The following GPRIN1 variants were observed in gnomAD, a reference collection of about 807,000 sequenced individuals.
The protein encoded by GPRIN1 is G protein-regulated inducer of neurite outgrowth 1.
A neutral mutation model predicts 2.8 loss-of-function variants in GPRIN1; 4 were observed. That is an observed-to-expected ratio of 1.45 (90% CI 0.71 to 3.32). The LOEUF is 3.32. Among genes scored for constraint, GPRIN1 ranks in the 30% most tolerant of loss-of-function variants. GPRIN1 has a pLI of 0.01. For missense variants in GPRIN1, 1,322 were observed against 1,343.4 expected (o/e 0.98, Z 0.25); for synonymous variants, 589 against 589.9 (o/e 1.00, Z 0.02).
At position 176,602,652 on chromosome 5, in the gene GPRIN1, G is replaced by C. The variant is rs1759162961; in HGVS notation, c.-43-2775C>G. 6.6e-6 allele frequency among the ~76,000 whole-genome samples: 1 copy of C among 152,310 alleles called. No individual in the cohort carries two copies. On this transcript the variant is annotated intron_variant, in intron 1 of 1. Transcript: ENST00000303991. The surrounding 1 kb of genome is among the most constrained non-coding windows in gnomAD (Gnocchi z 4.4). ...AGTTTACAACGCGCATAGCATTTGA[G>C]CCACCAAGCCCACCTCTAAGCATGG...
chr5:176,599,508 T>C lies in GPRIN1; in HGVS notation c.327A>G (p.Thr109=). 1 of 1,610,148 alleles carries C rather than the reference T, an allele frequency of 6.2e-7. No homozygotes were observed. Among genetic ancestry groups the C allele is most frequent in the African/African-American group, 1.3e-5 (1 of 74,834 alleles). ...AGATGGAGGCTCCATGTGCCTCCAA[T>C]GTCTCCTTGGAGGGTGACTCCTGGG... ...FSPQESPSKE[T]LEAHGASISG... Residue 109 remains threonine, a synonymous_variant, in exon 2 of 2, where the codon ACA becomes ACG. Coordinates refer to ENST00000303991, the MANE Select transcript of GPRIN1 (RefSeq NM_052899.3).
chr5:176,597,220 G>A lies in GPRIN1; in HGVS notation c.2615C>T (p.Ala872Val). ...SLGAAETRSV[A>V]TGPMTPQAAA... The stretch of plus-strand genomic sequence containing the variant: ...GGCTTGAGGTGTCATGGGCCCAGTG[G>A]CCACGGAGCGCGTCTCGGCGGCGCC... The change falls in exon 2 of 2, where the codon GCC becomes GTC. Residue 872 changes from alanine (A) to valine (V), a missense_variant. By Grantham distance (64) the Ala-to-Val change is moderately conservative (BLOSUM62 0). Transcript: ENST00000303991. This position sits in a 1 kb window ranked among gnomAD's most constrained non-coding sequence, Gnocchi z 6.1. The A allele has an allele frequency of 2.4e-6, 3 of 1,267,856 alleles. No homozygotes were observed. The highest frequency in any genetic ancestry group is 3.0e-6 in the Non-Finnish European group (3 of 1,007,638). 78.5% of individuals were successfully genotyped at this position (1,267,856 alleles called of 1,614,324 possible).
chr5:176,607,901 C>CTTTTTTTTTTTTTTTT (rs1304388285), intron 1 of GPRIN1, among the ~76,000 whole-genome samples: 1 of 95,906 alleles, frequency 1.0e-5, no homozygotes, highest in African/African-American at 3.8e-5. Context: ...TGACACTTGG[C>CTTTTTTTTTTTTTTTT]TCTTTTTTTT....
chr5:176,598,179 G>C lies in GPRIN1; in HGVS notation c.1656C>G (p.Asp552Glu). ...KAEPLAVGKE[D>E]PVSKGKADAG... ...CGTCTGCCTTTCCCTTGCTCACAGG[G>C]TCCTCCTTGCCCACCGCGAGGGGCT... The change falls in exon 2 of 2, where the codon GAC becomes GAG. Residue 552 changes from aspartate (D) to glutamate (E), a missense_variant. Physicochemically the swap from Asp to Glu is conservative, Grantham distance 45. Transcript: ENST00000303991. The C allele has an allele frequency of 6.2e-7, 1 of 1,612,556 alleles. No individual in the cohort carries two copies. Among genetic ancestry groups the C allele is most frequent in the Non-Finnish European group, 8.5e-7 (1 of 1,179,954 alleles).
chr5:176,605,404 C>G (rs1160913301), intron 1 of GPRIN1, among the ~76,000 whole-genome samples: 1 of 152,188 alleles, frequency 6.6e-6, no homozygotes, highest in Non-Finnish European at 1.5e-5. Context: ...AAAACACTTT[C>G]ATGAGCCAAC....
chr5:176,596,779 G>A lies in GPRIN1; in HGVS notation c.*29C>T. On this transcript the variant is annotated 3_prime_UTR_variant, in exon 2 of 2. Coordinates refer to ENST00000303991, the MANE Select transcript of GPRIN1 (RefSeq NM_052899.3). This position sits in a 1 kb window ranked among gnomAD's most constrained non-coding sequence, Gnocchi z 5.2. ...TCAAGAAGGGAGCCTGAGAAGGTCG[G>A]AAACTCGGGCGTACAAAATGGGGGC... The A allele has an allele frequency of 7.1e-7, 1 of 1,405,982 alleles. No individual in the cohort carries two copies. The highest frequency in any genetic ancestry group is 9.3e-7 in the Non-Finnish European group (1 of 1,080,202). 87.1% of individuals were successfully genotyped at this position (1,405,982 alleles called of 1,614,324 possible). A position where few individuals can be genotyped will look rare whatever the true frequency, so the allele number is the denominator to read the frequency against.
Position 176,597,901 on chromosome 5 carries a change from T to C in GPRIN1, c.1934A>G (p.Gln645Arg). The C allele has an allele frequency of 1.9e-6, 3 of 1,613,834 alleles. No individual in the cohort carries two copies. Among genetic ancestry groups the C allele is most frequent in the Non-Finnish European group, 2.5e-6 (3 of 1,179,980 alleles). The change falls in exon 2 of 2, where the codon CAA becomes CGA. Residue 645 changes from glutamine to arginine, a missense_variant. By Grantham distance (43) the Gln-to-Arg change is conservative. Transcript: ENST00000303991. This position sits in a 1 kb window ranked among gnomAD's most constrained non-coding sequence, Gnocchi z 6.1. ...GGKAETKLPG[Q>R]EGAAAPGEAG... ...TTCCCCTGGTGCTGCAGCGCCCTCT[T>C]GCCCAGGGAGCTTTGTTTCTGCTTT...
chr5:176,597,749 A>C lies in GPRIN1; in HGVS notation c.2086T>G (p.Ser696Ala). 1 of 1,604,622 alleles carries C rather than the reference A, an allele frequency of 6.2e-7. No individual in the cohort carries two copies. Among genetic ancestry groups the C allele is most frequent in the Non-Finnish European group, 8.5e-7 (1 of 1,175,434 alleles). ...GACTCCGTTTTTCTGGAAGGTGCAGAGTCGGCTTTCCCCAGGGACACAGGC... is the reference window on the plus strand; with the variant it reads ...GACTCCGTTTTTCTGGAAGGTGCAGCGTCGGCTTTCCCCAGGGACACAGGC... ...GEPVSLGKAD[S>A]APSRKTESPS... is the part of the protein sequence containing the mutation. The change falls in exon 2 of 2, where the codon TCT becomes GCT. Residue 696 changes from serine (S) to alanine (A), a missense_variant. Transcript: ENST00000303991. The surrounding 1 kb of genome is among the most constrained non-coding windows in gnomAD (Gnocchi z 6.1).
rs1017617605 is a variant in GPRIN1 at position 176,597,948 on chromosome 5, T to C, written c.1887A>G (p.Lys629=). 1.2e-6 allele frequency: 2 copies of C among 1,614,028 alleles called. No homozygotes were observed. The highest frequency in any genetic ancestry group is 1.3e-5 in the African/African-American group (1 of 75,042). ...TTKADPRASG[K]AQPQSGGKAE... ...CTTTGCCACCAGACTGCGGCTGTGC[T>C]TTCCCCGAGGCCCTGGGATCCGCCT... Residue 629 remains lysine (K), a synonymous_variant, in exon 2 of 2, where the codon AAA becomes AAG. Transcript: ENST00000303991. The surrounding 1 kb of genome is among the most constrained non-coding windows in gnomAD (Gnocchi z 6.1).
chr5:176,600,338 G>A (rs145122569), intron 1 of GPRIN1, among the ~76,000 whole-genome samples: 2 of 151,974 alleles, frequency 1.3e-5, no homozygotes, highest in African/African-American at 4.8e-5. Context: ...CCCGACCTCA[G>A]GTGATCCGCC....
rs1222980713 is a variant in GPRIN1, at chr5:176,596,988, G to A, written c.2847C>T (p.His949=). ...GCGGCGCGGGCGCCCCTTGGCGGCC[G>A]TGCTCCTCGATCTGTCGCTCCAGAT... is the stretch of plus-strand genomic sequence containing the variant. ...QKHLERQIEE[H]GRQGAPAPPP... is the part of the protein sequence containing the mutation. Residue 949 remains histidine, a synonymous_variant, in exon 2 of 2, where the codon CAC becomes CAT. Coordinates refer to ENST00000303991, the MANE Select transcript of GPRIN1 (RefSeq NM_052899.3). This position sits in a 1 kb window ranked among gnomAD's most constrained non-coding sequence, Gnocchi z 5.2. 8 of 1,402,526 alleles carry A rather than the reference G, an allele frequency of 5.7e-6. No homozygotes were observed. The highest frequency in any genetic ancestry group is 6.5e-6 in the Non-Finnish European group (7 of 1,071,968). 86.9% of individuals were successfully genotyped at this position (1,402,526 alleles called of 1,614,324 possible).
chr5:176,598,077 G>A lies in GPRIN1; in HGVS notation c.1758C>T (p.Pro586=). Residue 586 remains proline, a synonymous_variant, in exon 2 of 2, where the codon CCC becomes CCT. Coordinates refer to ENST00000303991, the MANE Select transcript of GPRIN1 (RefSeq NM_052899.3). Reference sequence around the variant, plus strand: ...GGGACACGGGATCCACCTTCCCCGAGGGCACCGGGACTGTTTTTCCTGGAG... The same window carrying A: ...GGGACACGGGATCCACCTTCCCCGAAGGCACCGGGACTGTTTTTCCTGGAG... The part of the protein sequence containing the change: ...VSTPGKTVPV[P]SGKVDPVSLG... The A allele has an allele frequency of 5.0e-6, 8 of 1,613,888 alleles. No individual in the cohort carries two copies. Among genetic ancestry groups the A allele is most frequent in the Non-Finnish European group, 6.8e-6 (8 of 1,180,004 alleles).
At chr5:176,606,744 C>T (rs1490606427) in intron 1 of GPRIN1, among the ~76,000 whole-genome samples, 1 of 152,166 alleles carries the variant, frequency 6.6e-6, no homozygotes, top group Non-Finnish European at 1.5e-5. Flanking sequence ...GAGTGTGGAC[C>T]CTGGAGCACA....
At chr5:176,603,674 G>T (rs1442348609) in intron 1 of GPRIN1, among the ~76,000 whole-genome samples, 2 of 152,120 alleles carry the variant, frequency 1.3e-5, no homozygotes, top group African/African-American at 4.8e-5. Context: ...GGGACTTATG[G>T]GGGGTGACAT....
At chr5:176,600,642 G>A (rs112657149) in intron 1 of GPRIN1, among the ~76,000 whole-genome samples, 42,206 of 152,036 alleles carry the variant, frequency 0.28, 5,917 homozygotes, top group East Asian at 0.33. Flanking sequence ...GGCCGGGTGC[G>A]GCGGCTCACG....
In GPRIN1 at chr5:176,597,204, T is replaced by C. The variant is rs751228732; in HGVS notation, c.2631A>G (p.Thr877=). The C allele has an allele frequency of 3.1e-6, 4 of 1,300,476 alleles. No individual in the cohort carries two copies. The Admixed American group carries it at 1.4e-4, about 47-fold the overall frequency. 80.6% of individuals were successfully genotyped at this position (1,300,476 alleles called of 1,614,324 possible). Residue 877 remains threonine, a synonymous_variant, in exon 2 of 2, where the codon ACA becomes ACG. Transcript: ENST00000303991. The surrounding 1 kb of genome is among the most constrained non-coding windows in gnomAD (Gnocchi z 6.1). ...ETRSVATGPM[T]PQAAAPPAFP... ...AGGCGGGCGGCGCGGCGGCTTGAGG[T>C]GTCATGGGCCCAGTGGCCACGGAGC... is the stretch of plus-strand genomic sequence containing the variant.
chr5:176,605,283 C>T (rs1284502233), intron 1 of GPRIN1, among the ~76,000 whole-genome samples: 1 of 151,990 alleles, frequency 6.6e-6, no homozygotes, highest in East Asian at 1.9e-4. Context: ...TTACTAGAGA[C>T]AGAGTTTCAC....
At chr5:176,607,147 C>T (rs1759233262) in intron 1 of GPRIN1, among the ~76,000 whole-genome samples, 1 of 152,202 alleles carries the variant, frequency 6.6e-6, no homozygotes, top group Admixed American at 6.5e-5. Context: ...TAGGCCAGCC[C>T]TGGGTTTCAG....
Position 176,598,956 on chromosome 5 carries a change from G to T in GPRIN1, c.879C>A (p.Pro293=). The change falls in exon 2 of 2, where the codon CCC becomes CCA. Residue 293 remains proline (P), a synonymous_variant. Transcript: ENST00000303991. The part of the protein sequence containing the change: ...LVLSGKRDPG[P]SGKADPMPLE... ...AGGGCATGGGATCTGCCTTTCCCGA[G>T]GGCCCAGGATCTCTCTTTCCCGACA... 1 of 1,614,094 alleles carries T rather than the reference G, an allele frequency of 6.2e-7. No individual in the cohort carries two copies. The highest frequency in any genetic ancestry group is 2.2e-5 in the East Asian group (1 of 44,882).
Sources: gnomAD v4.1 joint callset for allele counts (sites outside exome capture counted in the v4.1 genomes callset) on GRCh38, gnomAD v4.1.1 for gene constraint, Gnocchi (gnomAD v3.1) non-coding constraint, MANE v1.5 for transcripts, NCBI Gene and HGNC (gene_info 2026-07-23, HGNC 2026-07-21) for gene names.